MAP6D1: variants seen among roughly 807,000 people sequenced by gnomAD.
MAP6D1 encodes the protein MAP6 domain-containing protein 1.
A neutral mutation model predicts 17.4 loss-of-function variants in MAP6D1; 13 were observed. The observed-to-expected ratio is 0.75, with a 90% CI of 0.49 to 1.19. MAP6D1 has a LOEUF of 1.19. MAP6D1 is among the 50% of genes most tolerant of loss of function. The probability of loss-of-function intolerance (pLI) is 0.00; values close to 1 mark genes in which losing one functional copy is unlikely to be tolerated. For synonymous variants in MAP6D1, 141 were observed against 145.7 expected, an observed-to-expected ratio of 0.97 and a Z score of 0.23; for missense variants, 313 against 312.6, an observed-to-expected ratio of 1.00 and a Z score of -0.01.
At chr3:183,822,768 G>C (rs369634182) in intron 1 of MAP6D1, among the ~76,000 whole-genome samples, 1 of 152,228 alleles carries the variant, frequency 6.6e-6, no homozygotes, top group South Asian at 2.1e-4. Context: ...TAGCCAGCTG[G>C]AGGGGCCTGA....
rs1413081724 is a variant in MAP6D1 at position 183,818,045 on chromosome 3, G to A, written c.468C>T (p.Val156=). The change falls in exon 2 of 3, where the codon GTC becomes GTT. Residue 156 remains valine, a synonymous_variant. Transcript: ENST00000318631. ...CCCATCCCGAAGTGTGGGTTGTGAT[G>A]ACTCGGGCTGGTTTTGTCTTTGTGG... The part of the protein sequence containing the change: ...SRSTKTKPAR[V]ITTHTSGWDS... 1 of 1,614,128 alleles carries A rather than the reference G, an allele frequency of 6.2e-7. No individual in the cohort carries two copies. Among genetic ancestry groups the A allele is most frequent in the African/African-American group, 1.3e-5 (1 of 75,028 alleles).
chr3:183,822,304 T>C (rs922599061), intron 1 of MAP6D1, among the ~76,000 whole-genome samples: 13 of 148,956 alleles, frequency 8.7e-5, no homozygotes, highest in Non-Finnish European at 1.8e-4. Context: ...AAACCCCACA[T>C]GTAGTGCCCA....
At chr3:183,821,784 T>A (rs1445178659) in intron 1 of MAP6D1, among the ~76,000 whole-genome samples, 1 of 151,956 alleles carries the variant, frequency 6.6e-6, no homozygotes, top group Non-Finnish European at 1.5e-5. Flanking sequence ...CATCTCATCC[T>A]CCCAAAGTGC....
intron 1 of MAP6D1, 66 bp from the exon 2 acceptor site, chr3:183,818,177 G>A: frequency 7.4e-7 from 1 of 1,349,062 alleles, no homozygotes; most frequent in Non-Finnish European, 1.1e-6. Context: ...CTCCCCAGGG[G>A]CTGCTGCTCT....
chr3:183,820,961 G>A (rs1270341118), intron 1 of MAP6D1, among the ~76,000 whole-genome samples: 13 of 151,626 alleles, frequency 8.6e-5, no homozygotes, highest in African/African-American at 3.2e-4. Context: ...TGGGTGTGGT[G>A]GTGGGCGCCT....
chr3:183,825,528 CT>C lies in MAP6D1; in HGVS notation c.19del (p.Ser7AlafsTer123). The C allele has an allele frequency of 7.2e-7, 1 of 1,379,716 alleles. No individual in the cohort carries two copies. The highest frequency in any genetic ancestry group is 9.4e-7 in the Non-Finnish European group (1 of 1,066,574). 85.5% of individuals were successfully genotyped at this position (1,379,716 alleles called of 1,614,324 possible). A position where few individuals can be genotyped will look rare whatever the true frequency, so the allele number is the denominator to read the frequency against. On this transcript the variant is annotated frameshift_variant, in exon 1 of 3. Transcript: ENST00000318631. LOFTEE classifies it high-confidence loss of function. MAWPCI[S>X]RLCCLARRWN... ...GCGCCGCGCCAGGCAGCACAGGCGG[CT>C]GATACAGGGCCACGCCATGCCAGCC...
Position 183,817,206 on chromosome 3 carries a change from C to G in MAP6D1, c.*150G>C. 1.4e-6 allele frequency: 1 copy of G among 731,094 alleles called. No homozygotes were observed. The highest frequency in any genetic ancestry group is 2.3e-6 in the Non-Finnish European group (1 of 431,092). The allele number at this position is 731,094 out of a possible 1,614,324, so 45.3% of individuals were successfully genotyped here. A position where few individuals can be genotyped will look rare whatever the true frequency, so the allele number is the denominator to read the frequency against. On this transcript the variant is annotated 3_prime_UTR_variant, in exon 3 of 3. Coordinates refer to ENST00000318631, the MANE Select transcript of MAP6D1 (RefSeq NM_024871.4). ...GTCCATCGGTGCATCTGCTCCACAC[C>G]AGCACTTTGGCCCTGGTGACAGCTT... is the stretch of plus-strand genomic sequence containing the variant.
At position 183,817,244 on chromosome 3, in the gene MAP6D1, T is replaced by C. The variant is rs1270966054; in HGVS notation, c.*112A>G. The C allele has an allele frequency of 3.7e-6, 4 of 1,068,528 alleles. No homozygotes were observed. Among genetic ancestry groups the C allele is most frequent in the Non-Finnish European group, 5.6e-6 (4 of 717,228 alleles). The allele number at this position is 1,068,528 out of a possible 1,614,324, so 66.2% of individuals were successfully genotyped here. On this transcript the variant is annotated 3_prime_UTR_variant, in exon 3 of 3. Transcript: ENST00000318631. ...CTGGTGACAGCTTTGAGAGGGGCTG[T>C]GCCCTCCCGCAGGGGCCCATGCCAT...
chr3:183,825,304 G>A lies in MAP6D1; in HGVS notation c.244C>T (p.Pro82Ser). The A allele has an allele frequency of 7.5e-7, 1 of 1,341,042 alleles. No homozygotes were observed. The highest frequency in any genetic ancestry group is 9.5e-7 in the Non-Finnish European group (1 of 1,048,068). The allele number at this position is 1,341,042 out of a possible 1,614,324, so 83.1% of individuals were successfully genotyped here. A position where few individuals can be genotyped will look rare whatever the true frequency, so the allele number is the denominator to read the frequency against. ...CCGCGCCCCGGCGGCGGATCCTTGGGCCCGGCGGGCGTGGTCCACAAGCCG... is the reference window on the plus strand; with the variant it reads ...CCGCGCCCCGGCGGCGGATCCTTGGACCCGGCGGGCGTGGTCCACAAGCCG... Reference protein sequence around the residue: ...DFGLWTTPAGPKDPPPGRGPG... With the variant: ...DFGLWTTPAGSKDPPPGRGPG... Residue 82 changes from proline (P) to serine (S), a missense_variant, in exon 1 of 3, where the codon CCC becomes TCC. By Grantham distance (74) the Pro-to-Ser change is moderately conservative. Coordinates refer to ENST00000318631, the MANE Select transcript of MAP6D1 (RefSeq NM_024871.4).
chr3:183,823,255 A>C (rs985669727), intron 1 of MAP6D1, among the ~76,000 whole-genome samples: 2 of 151,850 alleles, frequency 1.3e-5, no homozygotes, highest in Non-Finnish European at 2.9e-5. Flanking sequence ...AAGCTTCCCA[A>C]AGTGCTGGGA....
intron 1 of MAP6D1, among the ~76,000 whole-genome samples, chr3:183,821,627 C>T (rs1171463083): frequency 1.4e-5 from 2 of 145,514 alleles, no homozygotes; most frequent in South Asian, 4.3e-4. Context: ...CTCACTGCGT[C>T]CTCCACCTCC....
rs1727105776 is a variant in MAP6D1 at position 183,816,487 on chromosome 3, G to GGTGA, written c.*865_*868dup. 6.6e-6 allele frequency: 1 copy of GGTGA among 152,234 alleles called. No individual in the cohort carries two copies. The highest frequency in any genetic ancestry group is 1.5e-5 in the Non-Finnish European group (1 of 68,088). 9.4% of individuals were successfully genotyped at this position (152,234 alleles called of 1,614,324 possible). A position where few individuals can be genotyped will look rare whatever the true frequency, so the allele number is the denominator to read the frequency against. On this transcript the variant is annotated 3_prime_UTR_variant, in exon 3 of 3. Coordinates refer to ENST00000318631, the MANE Select transcript of MAP6D1 (RefSeq NM_024871.4). ...AAAATGAACTGCCTCTTCAAAAGGT[G>GGTGA]GTGAGTTCCCCGTCACTGTACATGT...
chr3:183,823,062 A>ATGTTT (rs1727296029), intron 1 of MAP6D1, among the ~76,000 whole-genome samples: 1 of 152,110 alleles, frequency 6.6e-6, no homozygotes, highest in African/African-American at 2.4e-5. Context: ...TGGCACAAAC[A>ATGTTT]CTGCTCACTG....
intron 2 of MAP6D1, among the ~76,000 whole-genome samples, 189 bp from the exon 3 acceptor site, chr3:183,817,625 A>C (rs142032720): frequency 2.4e-3 from 366 of 152,164 alleles, no homozygotes; most frequent in African/African-American, 8.5e-3. Context: ...TGAGTGGTAC[A>C]CGGACCTTCC....
In MAP6D1 at chr3:183,818,074, T is replaced by C. The variant is rs762417809; in HGVS notation, c.439A>G (p.Arg147Gly). 2 of 1,614,176 alleles carry C rather than the reference T, an allele frequency of 1.2e-6. No individual in the cohort carries two copies. Among genetic ancestry groups the C allele is most frequent in the East Asian group, 2.2e-5 (1 of 44,882 alleles). ...FQAWTGVKPSRSTKTKPARVI... is the reference protein window; with the variant it reads ...FQAWTGVKPSGSTKTKPARVI... Reference sequence around the variant, plus strand: ...CGGGCTGGTTTTGTCTTTGTGGATCTTGAGGGCTTCACTCCAGTCCAAGCC... The same window carrying C: ...CGGGCTGGTTTTGTCTTTGTGGATCCTGAGGGCTTCACTCCAGTCCAAGCC... Residue 147 changes from arginine (R) to glycine (G), a missense_variant, in exon 2 of 3, where the codon AGA becomes GGA. By Grantham distance (125) the Arg-to-Gly change is moderately radical (BLOSUM62 -2). Transcript: ENST00000318631.
At position 183,817,150 on chromosome 3, in the gene MAP6D1, A is replaced by G. The variant is rs777123778; in HGVS notation, c.*206T>C. ...AGGAGCCTTCCACAGGCTTCTCAAG[A>G]GGATGCTTGAGGCTGAGCTGGGTGT... is the stretch of plus-strand genomic sequence containing the variant. On this transcript the variant is annotated 3_prime_UTR_variant, in exon 3 of 3. Transcript: ENST00000318631. 3.0e-5 allele frequency: 17 copies of G among 563,246 alleles called. No individual in the cohort carries two copies. Among genetic ancestry groups the G allele is most frequent in the Non-Finnish European group, 5.1e-5 (16 of 313,822 alleles). 34.9% of individuals were successfully genotyped at this position (563,246 alleles called of 1,614,324 possible).
chr3:183,818,878 G>A (rs904905951), intron 1 of MAP6D1, among the ~76,000 whole-genome samples: 4 of 152,122 alleles, frequency 2.6e-5, no homozygotes, highest in Admixed American at 6.5e-5. Context: ...GGAGGGAGAG[G>A]ATGAGGCTGG....
At chr3:183,824,859 G>A (rs1310200326) in intron 1 of MAP6D1, among the ~76,000 whole-genome samples, 2 of 152,244 alleles carry the variant, frequency 1.3e-5, no homozygotes, top group African/African-American at 4.8e-5. Context: ...GCTGAAGGCA[G>A]GCCATTCTGA....
chr3:183,822,647 C>T (rs1182428604), intron 1 of MAP6D1, among the ~76,000 whole-genome samples: 2 of 152,194 alleles, frequency 1.3e-5, no homozygotes, highest in Admixed American at 6.5e-5. Flanking sequence ...GTAAGGAACT[C>T]GCTGGGGGAC....
Sources: allele counts gnomAD v4.1 joint callset (sites outside exome capture counted in the v4.1 genomes callset), GRCh38; gene constraint gnomAD v4.1.1; transcripts MANE v1.5; gene names NCBI Gene and HGNC (gene_info 2026-07-23, HGNC 2026-07-21).